CLYBL: variants seen among roughly 807,000 people sequenced by gnomAD.
CLYBL encodes citramalyl-CoA lyase, also known as citramalyl-CoA lyase, mitochondrial.
Under a neutral mutation model 38.9 loss-of-function variants are expected in CLYBL, and 31 were observed. The ratio of observed to expected loss-of-function variants is 0.80; its 90% CI spans 0.60 to 1.08. The LOEUF is 1.08. Ranked by LOEUF, CLYBL falls within the 50% of genes least tolerant of loss-of-function variation. The probability of loss-of-function intolerance (pLI) is 0.00; values close to 1 mark genes in which losing one functional copy is unlikely to be tolerated. For synonymous variants in CLYBL, 171 were observed against 158.6 expected (o/e 1.08, Z -0.59); for missense variants, 434 against 411.6 (o/e 1.05, Z -0.47).
intron 2 of CLYBL, among the ~76,000 whole-genome samples, chr13:99,803,463 A>G (rs9585229): frequency 0.019 from 2,964 of 152,344 alleles, 85 homozygotes; most frequent in African/African-American, 0.068. Context: ...TGGGTTTCCA[A>G]TCTTCCAGCC....
chr13:99,888,262 A>ATTATATG (rs201209501), intron 7 of CLYBL, among the ~76,000 whole-genome samples: 15 of 90,294 alleles, frequency 1.7e-4, no homozygotes, highest in African/African-American at 7.2e-4. Flanking sequence ...AAGATGGTGA[A>ATTATATG]TTTTATGTTT....
intron 9 of CLYBL, among the ~76,000 whole-genome samples, chr13:99,906,470 C>G (rs139666308): frequency 1.3e-5 from 2 of 150,878 alleles, no homozygotes; most frequent in Admixed American, 1.3e-4. Context: ...AAGTCTTGCT[C>G]GGTCACCCAG....
chr13:99,727,461 C>T (rs538431739), intron 1 of CLYBL: 2 of 151,874 alleles, frequency 1.3e-5, no homozygotes, highest in East Asian at 1.9e-4. Flanking sequence ...TCATAAAATC[C>T]GAGGATTGTG....
intron 1 of CLYBL, among the ~76,000 whole-genome samples, chr13:99,717,123 G>A (rs1423327019): frequency 6.6e-6 from 1 of 151,408 alleles, no homozygotes; most frequent in Non-Finnish European, 1.5e-5. Flanking sequence ...GCTTGTATAA[G>A]ATATGAATTA....
intron 2 of CLYBL, among the ~76,000 whole-genome samples, chr13:99,798,364 T>C (rs2050064726): frequency 6.6e-6 from 1 of 152,196 alleles, no homozygotes; most frequent in Non-Finnish European, 1.5e-5. Flanking sequence ...CTCCATCATC[T>C]TCACTCACTC....
At chr13:99,745,049 T>C (rs1285479377) in intron 1 of CLYBL, among the ~76,000 whole-genome samples, 1 of 152,226 alleles carries the variant, frequency 6.6e-6, no homozygotes, top group Non-Finnish European at 1.5e-5. Flanking sequence ...AGCATGTCAT[T>C]AGCACATTCC....
At chr13:99,905,627 C>CAA (rs71696951) in intron 9 of CLYBL, among the ~76,000 whole-genome samples, 10,856 of 148,712 alleles carry the variant, frequency 0.073, 506 homozygotes, top group African/African-American at 0.13. Flanking sequence ...GGTGTGAGAC[C>CAA]AAAAAAAGAA....
intron 2 of CLYBL, among the ~76,000 whole-genome samples, chr13:99,802,012 A>G (rs753611444): frequency 4.6e-5 from 7 of 152,218 alleles, no homozygotes; most frequent in Non-Finnish European, 8.8e-5. Flanking sequence ...GTGAAACTCC[A>G]TCTCAAAAAA....
At chr13:99,648,790 AT>A (rs368796250) in intron 1 of CLYBL, among the ~76,000 whole-genome samples, 2 of 151,800 alleles carry the variant, frequency 1.3e-5, no homozygotes, top group Non-Finnish European at 2.9e-5. Context: ...TGTCACTAGT[AT>A]TTTTTTTATC....
At chr13:99,784,746 G>T (rs1401960564) in intron 2 of CLYBL, among the ~76,000 whole-genome samples, 3 of 152,022 alleles carry the variant, frequency 2.0e-5, no homozygotes, top group Non-Finnish European at 4.4e-5. Flanking sequence ...AGGCCACCGT[G>T]CCCAGCTGAA....
At chr13:99,661,198 TCTTTA>T (rs1188324655) in intron 1 of CLYBL, among the ~76,000 whole-genome samples, 2 of 152,190 alleles carry the variant, frequency 1.3e-5, no homozygotes, top group Non-Finnish European at 2.9e-5. Context: ...AGCATAATAC[TCTTTA>T]CTTTGAATAG....
At chr13:99,807,387 C>G (rs2050252769) in intron 2 of CLYBL, among the ~76,000 whole-genome samples, 1 of 152,214 alleles carries the variant, frequency 6.6e-6, no homozygotes, top group Admixed American at 6.5e-5. Flanking sequence ...CCAGCACACC[C>G]ATGTTCCTGG....
chr13:99,708,074 C>T (rs1216333485), intron 1 of CLYBL, among the ~76,000 whole-genome samples: 2 of 152,200 alleles, frequency 1.3e-5, no homozygotes, highest in South Asian at 2.1e-4. Flanking sequence ...ACTTCCACCC[C>T]CTGGGTTCAT....
At chr13:99,776,966 G>A (rs185772675) in intron 2 of CLYBL, among the ~76,000 whole-genome samples, 91 of 151,724 alleles carry the variant, frequency 6.0e-4, no homozygotes, top group African/African-American at 1.9e-3. Context: ...TGCAATCTCC[G>A]CCTCCTGGGT....
At chr13:99,759,316 C>T (rs566348598) in intron 1 of CLYBL, among the ~76,000 whole-genome samples, 2 of 152,272 alleles carry the variant, frequency 1.3e-5, no homozygotes, top group Admixed American at 6.5e-5. Flanking sequence ...AGGGGATAAA[C>T]AGAGGAGCAG....
intron 2 of CLYBL, among the ~76,000 whole-genome samples, chr13:99,827,409 G>A (rs1034210398): frequency 6.6e-6 from 1 of 152,180 alleles, no homozygotes; most frequent in African/African-American, 2.4e-5. Flanking sequence ...AAGAGACCAT[G>A]AGCGTGGTCT....
intron 1 of CLYBL, among the ~76,000 whole-genome samples, chr13:99,680,187 G>T (rs1347105638): frequency 6.6e-6 from 1 of 152,018 alleles, no homozygotes; most frequent in Non-Finnish European, 1.5e-5. Context: ...TATAAACATC[G>T]TCTTCCTCCA....
chr13:99,892,801 C>T (rs929051425), downstream of CLYBL: 2 of 152,250 alleles, frequency 1.3e-5, no homozygotes, highest in East Asian at 3.8e-4. Context: ...AGCATGAGCC[C>T]CAACCAGGCC....
intron 1 of CLYBL, among the ~76,000 whole-genome samples, chr13:99,607,139 G>C (rs1308230921): frequency 1.3e-5 from 2 of 152,178 alleles, no homozygotes; most frequent in Non-Finnish European, 2.9e-5. Context: ...TTTGGTCTCA[G>C]GACCCGTTTA....
Sources: gnomAD v4.1 joint callset for allele counts (sites outside exome capture counted in the v4.1 genomes callset) on GRCh38, gnomAD v4.1.1 for gene constraint, MANE v1.5 for transcripts, NCBI Gene and HGNC (gene_info 2026-07-23, HGNC 2026-07-21) for gene names.